SLC25A42: variants seen among roughly 807,000 people sequenced by gnomAD.
SLC25A42 encodes the protein mitochondrial coenzyme A transporter SLC25A42.
A neutral mutation model predicts 34.7 loss-of-function variants in SLC25A42; 19 were observed. That is an observed-to-expected ratio of 0.55 (90% CI 0.38 to 0.80). The LOEUF is 0.80. Among genes scored for constraint, SLC25A42 ranks in the 30% least tolerant of loss-of-function variants. The pLI, the probability that SLC25A42 is intolerant of heterozygous loss-of-function variation, is 0.00. For synonymous variants in SLC25A42, 205 were observed against 191.2 expected, an observed-to-expected ratio of 1.07 and a Z score of -0.59; for missense variants, 364 against 441.3, an observed-to-expected ratio of 0.82 and a Z score of 1.57.
At position 19,110,830 on chromosome 19, in the gene SLC25A42, C is replaced by T. The variant is rs140099041; in HGVS notation, c.911C>T (p.Thr304Ile). The T allele has an allele frequency of 2.1e-5, 34 of 1,613,864 alleles. No homozygotes were observed. The highest frequency in any genetic ancestry group is 2.8e-5 in the Non-Finnish European group (33 of 1,180,030). ...CCCATCGCCGTGGGCATCAGCTTCA[C>T]CACCTTCGACCTCATGCAGATCCTG... ...KGPIAVGISF[T>I]TFDLMQILLR... is the part of the protein sequence containing the mutation. The change falls in exon 8 of 8, where the codon ACC becomes ATC. Residue 304 changes from threonine (T) to isoleucine (I), a missense_variant. Physicochemically the swap from Thr to Ile is moderately conservative, Grantham distance 89. Coordinates refer to ENST00000318596, the MANE Select transcript of SLC25A42 (RefSeq NM_178526.5).
At position 19,086,251 on chromosome 19, in the gene SLC25A42, A is replaced by G. The variant is rs541663441; in HGVS notation, c.-34-9840A>G. ...CAGGTTCAAGCGTTTCTCCTGCCTC[A>G]GCCTCCTGAGTAGCTAGGACTACAG... On this transcript the variant is annotated intron_variant, in intron 1 of 7. Transcript: ENST00000318596. Among the ~76,000 whole-genome samples, 4 of 152,204 alleles carry G rather than the reference A, an allele frequency of 2.6e-5. No homozygotes were observed. In the South Asian group the frequency reaches 8.3e-4, roughly 32 times the overall value.
chr19:19,071,142 G>C (rs1568506411), intron 1 of SLC25A42, among the ~76,000 whole-genome samples: 1 of 151,868 alleles, frequency 6.6e-6, no homozygotes, highest in Non-Finnish European at 1.5e-5. Flanking sequence ...AAGTAGCTGG[G>C]ACTATAGGCA....
intron 1 of SLC25A42, among the ~76,000 whole-genome samples, chr19:19,078,507 T>C (rs10403272): frequency 0.9 from 136,748 of 152,144 alleles, 61,697 homozygotes; most frequent in African/African-American, 0.97. Flanking sequence ...ATGGTCATCC[T>C]TGTGTGGGTC....
At chr19:19,094,260 T>C (rs548526019) in intron 1 of SLC25A42, among the ~76,000 whole-genome samples, 2 of 152,360 alleles carry the variant, frequency 1.3e-5, no homozygotes, top group African/African-American at 4.8e-5. Flanking sequence ...GGGAATCCTT[T>C]GCCTGGGAGA....
intron 1 of SLC25A42, among the ~76,000 whole-genome samples, chr19:19,078,890 C>G (rs925555103): frequency 2.0e-4 from 30 of 151,748 alleles, no homozygotes; most frequent in Non-Finnish European, 1.2e-4. Context: ...TTGCTCTTGT[C>G]CCCCAGGCTG....
At chr19:19,092,757 C>T (rs2145913454) in intron 1 of SLC25A42, among the ~76,000 whole-genome samples, 1 of 152,278 alleles carries the variant, frequency 6.6e-6, no homozygotes, top group South Asian at 2.1e-4. Context: ...GTCCAGGCCA[C>T]CTGACCCAGC....
chr19:19,078,606 A>G (rs2059666501), intron 1 of SLC25A42, among the ~76,000 whole-genome samples: 2 of 152,186 alleles, frequency 1.3e-5, no homozygotes. Context: ...CAGCAAGCAC[A>G]CAGAGGGAGT....
At chr19:19,084,853 G>A (rs1267125907) in intron 1 of SLC25A42, among the ~76,000 whole-genome samples, 4 of 151,828 alleles carry the variant, frequency 2.6e-5, no homozygotes, top group African/African-American at 9.7e-5. Context: ...AGCTACTGGG[G>A]AGGTGAGGTA....
chr19:19,105,837 C>G (rs900712359), intron 5 of SLC25A42, 110 bp downstream of exon 5: 3 of 965,152 alleles, frequency 3.1e-6, no homozygotes, highest in Non-Finnish European at 4.5e-6. Flanking sequence ...CTAGCCCTGC[C>G]TTCCCTCTTC....
intron 1 of SLC25A42, among the ~76,000 whole-genome samples, chr19:19,083,263 C>T (rs1444009484): frequency 2.0e-5 from 3 of 152,208 alleles, no homozygotes; most frequent in South Asian, 2.1e-4. Context: ...ATCCCCACAT[C>T]GGGACCCTGG....
chr19:19,106,605 T>A (rs974830451), intron 6 of SLC25A42: 2 of 395,280 alleles, frequency 5.1e-6, no homozygotes, highest in Non-Finnish European at 9.2e-6. Context: ...ACCAAGGGTC[T>A]TCATTTTGAA....
chr19:19,096,065 C>T, intron 1 of SLC25A42, 26 bp from the exon 2 acceptor site: 2 of 1,468,344 alleles, frequency 1.4e-6, no homozygotes, highest in Non-Finnish European at 1.9e-6. Context: ...CTCGCCGTAT[C>T]TTACCACCTC....
chr19:19,068,354 CAAAA>C (rs565352679), intron 1 of SLC25A42, among the ~76,000 whole-genome samples: 1 of 68,876 alleles, frequency 1.5e-5, no homozygotes, highest in Non-Finnish European at 3.1e-5. Context: ...GACTCTGTCT[CAAAA>C]AAAAAAAAAA....
At chr19:19,079,158 C>T (rs929693745) in intron 1 of SLC25A42, among the ~76,000 whole-genome samples, 1 of 152,002 alleles carries the variant, frequency 6.6e-6, no homozygotes, top group African/African-American at 2.4e-5. Context: ...CTGGTTCAAG[C>T]GATTCTCCTG....
chr19:19,074,753 G>A (rs769868610), intron 1 of SLC25A42, among the ~76,000 whole-genome samples: 9 of 152,002 alleles, frequency 5.9e-5, no homozygotes, highest in East Asian at 1.9e-4. Context: ...ATGTGTGAGC[G>A]AGTGTGAGTG....
chr19:19,099,529 G>A (rs964553566), intron 2 of SLC25A42, among the ~76,000 whole-genome samples: 1 of 152,122 alleles, frequency 6.6e-6, no homozygotes, highest in African/African-American at 2.4e-5. Context: ...TTCAGGCCAA[G>A]TGTGTGGACA....
At chr19:19,097,975 A>AC (rs2059774578) in intron 2 of SLC25A42, among the ~76,000 whole-genome samples, 1 of 150,998 alleles carries the variant, frequency 6.6e-6, no homozygotes, top group Non-Finnish European at 1.5e-5. Flanking sequence ...AAAAAAAAAA[A>AC]AAATACTGAG....
rs2059874357 is a variant in SLC25A42, at chr19:19,112,996, A to AT, written c.*2121dup. 6.6e-6 allele frequency: 1 copy of AT among 151,866 alleles called. No homozygotes were observed. The highest frequency in any genetic ancestry group is 1.5e-5 in the Non-Finnish European group (1 of 67,956). 9.4% of individuals were successfully genotyped at this position (151,866 alleles called of 1,614,324 possible). A position where few individuals can be genotyped will look rare whatever the true frequency, so the allele number is the denominator to read the frequency against. ...GACACATTTGTGATAAAAGTTCTGAATAAAAGTCTTGAATAAAGAAGTTTT... is the reference window on the plus strand; with the variant it reads ...GACACATTTGTGATAAAAGTTCTGAATTAAAAGTCTTGAATAAAGAAGTTTT... On this transcript the variant is annotated 3_prime_UTR_variant, in exon 8 of 8. Coordinates refer to ENST00000318596, the MANE Select transcript of SLC25A42 (RefSeq NM_178526.5). The surrounding 1 kb of genome is among the most constrained non-coding windows in gnomAD (Gnocchi z 4.3).
intron 1 of SLC25A42, among the ~76,000 whole-genome samples, chr19:19,087,468 A>G (rs1204891532): frequency 6.6e-6 from 1 of 152,042 alleles, no homozygotes; most frequent in Non-Finnish European, 1.5e-5. Flanking sequence ...TTGTATTTTT[A>G]GTAGAGACGG....
Sources: allele counts gnomAD v4.1 joint callset (sites outside exome capture counted in the v4.1 genomes callset), GRCh38; gene constraint gnomAD v4.1.1; non-coding constraint Gnocchi (gnomAD v3.1); transcripts MANE v1.5; gene names NCBI Gene and HGNC (gene_info 2026-07-23, HGNC 2026-07-21).